The following GALR1 variants were observed in gnomAD, a reference collection of about 807,000 sequenced individuals.
GALR1 encodes galanin receptor type 1.
GALR1 carries 11 observed loss-of-function variants against 17.9 expected under a neutral mutation model. The ratio of observed to expected loss-of-function variants is 0.62; its 90% CI spans 0.39 to 1.02. The LOEUF is 1.02. GALR1 is among the 50% of genes least tolerant of loss of function. The pLI is 0.01. For missense variants in GALR1, 441 were observed against 456.9 expected (o/e 0.97, Z 0.32); for synonymous variants, 206 against 205.7 (o/e 1.00, Z -0.01).
At position 77,275,676 on chromosome 18, in the gene GALR1, A is replaced by G. The variant is rs2717128; in HGVS notation, c.*6774A>G. 21,035 of 152,172 alleles carry G rather than the reference A, an allele frequency of 0.14. 1,532 individuals carry two copies. Among genetic ancestry groups the G allele is most frequent in the Admixed American group, 0.17 (2,559 of 15,292 alleles). The allele number at this position is 152,172 out of a possible 1,614,324, so 9.4% of individuals were successfully genotyped here. A position where few individuals can be genotyped will look rare whatever the true frequency, so the allele number is the denominator to read the frequency against. On this transcript the variant is annotated 3_prime_UTR_variant, in exon 3 of 3. Coordinates refer to ENST00000299727, the MANE Select transcript of GALR1 (RefSeq NM_001480.4). ...CAGTGGAAATCTGCCCATTTTGTTG[A>G]AAAGAAAGGAAACAGGGTACACAAA... is the stretch of plus-strand genomic sequence containing the variant.
chr18:77,258,671 C>G (rs1267513064), intron 2 of GALR1, among the ~76,000 whole-genome samples: 134 of 64,502 alleles, frequency 2.1e-3, no homozygotes, highest in Non-Finnish European at 2.6e-3. Context: ...TGGTGGTGGT[C>G]ATGGTGGTGA....
Position 77,253,218 on chromosome 18 carries a change from T to C in GALR1, c.666+2004T>C, listed in dbSNP as rs183455384. 2.0e-5 allele frequency among the ~76,000 whole-genome samples: 3 copies of C among 152,314 alleles called. No individual in the cohort carries two copies. The East Asian group carries it at 5.8e-4, about 29-fold the overall frequency. ...ATCTCATTTAATTTGCACAACTCTG[T>C]GGCTTGGAGCTATTTTATTATTTAC... On this transcript the variant is annotated intron_variant, in intron 1 of 2. Coordinates refer to ENST00000299727, the MANE Select transcript of GALR1 (RefSeq NM_001480.4).
chr18:77,270,857 T>C lies in GALR1; in HGVS notation c.*1955T>C, dbSNP rs1913048571. On this transcript the variant is annotated 3_prime_UTR_variant, in exon 3 of 3. Transcript: ENST00000299727. ...TAAAGAATATGTCCTTTGCATCGAATGTTTTTTGCACTTTATTCAAATATA... is the reference window on the plus strand; with the variant it reads ...TAAAGAATATGTCCTTTGCATCGAACGTTTTTTGCACTTTATTCAAATATA... 6.6e-6 allele frequency: 1 copy of C among 152,224 alleles called. No individual in the cohort carries two copies. The highest frequency in any genetic ancestry group is 1.5e-5 in the Non-Finnish European group (1 of 68,046). 9.4% of individuals were successfully genotyped at this position (152,224 alleles called of 1,614,324 possible). A position where few individuals can be genotyped will look rare whatever the true frequency, so the allele number is the denominator to read the frequency against.
Sources: allele counts gnomAD v4.1 joint callset (sites outside exome capture counted in the v4.1 genomes callset), GRCh38; gene constraint gnomAD v4.1.1; transcripts MANE v1.5; gene names NCBI Gene and HGNC (gene_info 2026-07-23, HGNC 2026-07-21).